The following RPTOR variants were observed in gnomAD, a reference collection of about 807,000 sequenced individuals.
The protein encoded by RPTOR is regulatory-associated protein of mTOR.
In RPTOR, 21 loss-of-function variants were observed where a neutral mutation model predicts 169.9. The observed-to-expected ratio is 0.12, with a 90% confidence interval of 0.09 to 0.18. The LOEUF (loss-of-function observed/expected upper bound fraction) is 0.18, where lower values mean the gene tolerates loss of function less well. Ranked by LOEUF, RPTOR falls within the 10% of genes least tolerant of loss-of-function variation. The pLI, the probability that RPTOR is intolerant of heterozygous loss-of-function variation, is 1.00. For synonymous variants in RPTOR, 732 were observed against 753.2 expected, an observed-to-expected ratio of 0.97 and a Z score of 0.46; for missense variants, 1,133 against 1,855.9, an observed-to-expected ratio of 0.61 and a Z score of 7.16.
chr17:80,857,819 G>T lies in RPTOR; in HGVS notation c.1428G>T (p.Val476=). The change falls in exon 13 of 34, where the codon GTG becomes GTT. Residue 476 remains valine, a synonymous_variant. Coordinates refer to ENST00000306801, the MANE Select transcript of RPTOR (RefSeq NM_020761.3). ...LALSVGIFPY[V]LKLLQSSARE... is the part of the protein sequence containing the mutation. ...TGTCTGTCGGCATCTTCCCCTACGT[G>T]CTGAAGCTGCTCCAGAGCTCGGCCC... The T allele has an allele frequency of 6.8e-6, 11 of 1,612,114 alleles. No individual in the cohort carries two copies. Among genetic ancestry groups the T allele is most frequent in the Non-Finnish European group, 9.3e-6 (11 of 1,179,948 alleles).
intron 13 of RPTOR, among the ~76,000 whole-genome samples, chr17:80,873,551 G>A (rs560880900): frequency 4.6e-5 from 7 of 152,328 alleles, no homozygotes; most frequent in Admixed American, 1.3e-4. Flanking sequence ...CCAAGTCCCT[G>A]CAAAGGGTGG....
At chr17:80,564,066 C>CTTT (rs59934984) in intron 1 of RPTOR, among the ~76,000 whole-genome samples, 1 of 144,410 alleles carries the variant, frequency 6.9e-6, no homozygotes. Flanking sequence ...CATGTCTTTT[C>CTTT]TTTTTTTTTT....
rs772560428 is a variant in RPTOR, at chr17:80,864,177, C to T, written c.1509+6277C>T. ...AAACCCCAAGCACAAGAAAACTACACGAAGGCATATCGCAATCAAATTACT... is the reference window on the plus strand; with the variant it reads ...AAACCCCAAGCACAAGAAAACTACATGAAGGCATATCGCAATCAAATTACT... On this transcript the variant is annotated intron_variant, in intron 13 of 33. Coordinates refer to ENST00000306801, the MANE Select transcript of RPTOR (RefSeq NM_020761.3). 3.3e-5 allele frequency among the ~76,000 whole-genome samples: 5 copies of T among 152,222 alleles called. No homozygotes were observed. In the South Asian group the frequency reaches 8.3e-4, roughly 25 times the overall value.
intron 1 of RPTOR, among the ~76,000 whole-genome samples, chr17:80,616,864 C>A (rs2065315411): frequency 6.6e-6 from 1 of 152,190 alleles, no homozygotes; most frequent in Non-Finnish European, 1.5e-5. Context: ...TGAAACACGA[C>A]TCGATCTCTT....
At chr17:80,815,001 G>A (rs2067309165) in intron 7 of RPTOR, among the ~76,000 whole-genome samples, 1 of 152,240 alleles carries the variant, frequency 6.6e-6, no homozygotes, top group Non-Finnish European at 1.5e-5. Flanking sequence ...AGAGCACACA[G>A]GATGTTTGAG....
intron 17 of RPTOR, among the ~76,000 whole-genome samples, chr17:80,890,954 G>A (rs2068315123): frequency 6.6e-6 from 1 of 152,060 alleles, no homozygotes; most frequent in African/African-American, 2.4e-5. Flanking sequence ...ACAGCGCTTG[G>A]CTTTCTGCTA....
rs200661037 is a variant in RPTOR, at chr17:80,744,097, T to C, written c.655-9913T>C. ...GTCCTGGTTACGAGCACAGCCCTGG[T>C]TACTAGCACAGCCCTGGTTACTAGC... On this transcript the variant is annotated intron_variant, in intron 5 of 33. Transcript: ENST00000306801. 8.1e-3 allele frequency among the ~76,000 whole-genome samples: 318 copies of C among 39,260 alleles called. 11 individuals are homozygous for C. The highest frequency in any genetic ancestry group is 0.024 in the East Asian group (17 of 700). The allele number at this position is 39,260 out of a possible 152,430, so 25.8% of individuals were successfully genotyped here.
intron 2 of RPTOR, among the ~76,000 whole-genome samples, chr17:80,630,638 T>C (rs1379058275): frequency 6.6e-6 from 1 of 152,240 alleles, no homozygotes. Flanking sequence ...TCACCACATG[T>C]ATAGAGTACT....
intron 1 of RPTOR, among the ~76,000 whole-genome samples, chr17:80,578,044 A>G (rs2064981185): frequency 6.6e-6 from 1 of 152,232 alleles, no homozygotes; most frequent in African/African-American, 2.4e-5. Flanking sequence ...CTCTCTGCTC[A>G]TGAGCTGTCT....
At chr17:80,942,516 ATGGTGCCAGCAGGCG>A (rs958090859) in intron 25 of RPTOR, among the ~76,000 whole-genome samples, 6 of 151,958 alleles carry the variant, frequency 3.9e-5, no homozygotes, top group East Asian at 1.9e-4. Context: ...GACACAGGGG[ATGGTGCCAGCAGGCG>A]TGGTGCCAGC....
chr17:80,807,082 C>T (rs183900283), intron 7 of RPTOR, among the ~76,000 whole-genome samples: 10 of 152,294 alleles, frequency 6.6e-5, no homozygotes, highest in East Asian at 1.9e-4. Flanking sequence ...TTTAAAGTAT[C>T]GTAGCTGAAC....
intron 21 of RPTOR, among the ~76,000 whole-genome samples, chr17:80,920,656 G>A (rs778864067): frequency 1.1e-4 from 16 of 152,218 alleles, no homozygotes; most frequent in Admixed American, 3.9e-4. Flanking sequence ...TCAGCGTGAC[G>A]TCCCAGGGCT....
chr17:80,641,159 A>G lies in RPTOR; in HGVS notation c.266-2569A>G, dbSNP rs957589882. Reference sequence around the variant, plus strand: ...CACAGCACAGTTGATTTGGGTCACTATGATTTTTTTGAGACCTTAGAACTT... The same window carrying G: ...CACAGCACAGTTGATTTGGGTCACTGTGATTTTTTTGAGACCTTAGAACTT... On this transcript the variant is annotated intron_variant, in intron 2 of 33. Coordinates refer to ENST00000306801, the MANE Select transcript of RPTOR (RefSeq NM_020761.3). Among the ~76,000 whole-genome samples, 5 of 152,224 alleles carry G rather than the reference A, an allele frequency of 3.3e-5. No homozygotes were observed. In the South Asian group the frequency reaches 6.2e-4, roughly 19 times the overall value.
chr17:80,635,991 G>A (rs888828395), intron 2 of RPTOR, among the ~76,000 whole-genome samples: 36 of 152,140 alleles, frequency 2.4e-4, no homozygotes, highest in Non-Finnish European at 4.0e-4. Context: ...ACATGTTACC[G>A]TTTAGAAGGC....
intron 9 of RPTOR, among the ~76,000 whole-genome samples, chr17:80,828,924 C>A (rs1011303304): frequency 1.3e-5 from 2 of 152,114 alleles, no homozygotes; most frequent in African/African-American, 4.8e-5. Flanking sequence ...AGAAACAGAA[C>A]ACCAAATTGC....
At chr17:80,855,631 A>G (rs2067843582) in intron 12 of RPTOR, 84 bp downstream of exon 12, 8 of 1,107,522 alleles carry the variant, frequency 7.2e-6, no homozygotes, top group Non-Finnish European at 4.1e-6. Context: ...CACGTATTTC[A>G]TGATCCAGAG....
At chr17:80,713,037 A>G (rs1204303747) in intron 4 of RPTOR, among the ~76,000 whole-genome samples, 1 of 152,122 alleles carries the variant, frequency 6.6e-6, no homozygotes, top group East Asian at 1.9e-4. Context: ...GAGTTTTAAG[A>G]GTTCTTTCCA....
intron 1 of RPTOR, among the ~76,000 whole-genome samples, chr17:80,583,512 C>T (rs546562809): frequency 6.6e-6 from 1 of 152,172 alleles, no homozygotes; most frequent in African/African-American, 2.4e-5. Context: ...CTTTCTGAGG[C>T]CTGTCCCACG....
chr17:80,774,968 G>A (rs1422435106), intron 6 of RPTOR, among the ~76,000 whole-genome samples: 1 of 152,198 alleles, frequency 6.6e-6, no homozygotes, highest in Non-Finnish European at 1.5e-5. Flanking sequence ...TCGTGCTCTG[G>A]CAGAGTCTCT....
Sources: gnomAD v4.1 joint callset for allele counts (sites outside exome capture counted in the v4.1 genomes callset) on GRCh38, gnomAD v4.1.1 for gene constraint, MANE v1.5 for transcripts, NCBI Gene and HGNC (gene_info 2026-07-23, HGNC 2026-07-21) for gene names.